The following ZRANB3 variants were observed in gnomAD, a reference collection of about 807,000 sequenced individuals.
ZRANB3 encodes the protein zinc finger RANBP2-type containing 3, also known as DNA annealing helicase and endonuclease ZRANB3.
ZRANB3 carries 125 observed loss-of-function variants against 133.8 expected under a neutral mutation model. That is an observed-to-expected ratio of 0.93 (90% CI 0.81 to 1.08). The LOEUF (loss-of-function observed/expected upper bound fraction) is 1.08, where lower values mean the gene tolerates loss of function less well. Ranked by LOEUF, ZRANB3 falls within the 50% of genes least tolerant of loss-of-function variation. ZRANB3 has a pLI of 0.00. For missense variants in ZRANB3, 1,229 were observed against 1,275.5 expected (o/e 0.96, Z 0.56); for synonymous variants, 387 against 432.7 (o/e 0.89, Z 1.31).
intron 15 of ZRANB3, among the ~76,000 whole-genome samples, chr2:135,223,194 T>G (rs1417795461): frequency 1.3e-5 from 2 of 150,826 alleles, no homozygotes; most frequent in Admixed American, 1.3e-4. Context: ...GAGGTTGCAG[T>G]GAGCCGAGAT....
intron 12 of ZRANB3, among the ~76,000 whole-genome samples, chr2:135,234,530 T>G (rs984896076): frequency 6.6e-6 from 1 of 152,170 alleles, no homozygotes; most frequent in Non-Finnish European, 1.5e-5. Flanking sequence ...ATTGACCACA[T>G]AGTTGGAAGT....
chr2:135,442,271 G>T (rs1689814504), intron 2 of ZRANB3, among the ~76,000 whole-genome samples: 1 of 151,964 alleles, frequency 6.6e-6, no homozygotes, highest in Non-Finnish European at 1.5e-5. Context: ...CTACAGAATG[G>T]GAGCAAATTT....
intron 12 of ZRANB3, among the ~76,000 whole-genome samples, chr2:135,252,429 C>T (rs1173731921): frequency 6.6e-6 from 1 of 151,906 alleles, no homozygotes; most frequent in Admixed American, 6.6e-5. Context: ...TATGCAAATG[C>T]CTTTGGGAAT....
At chr2:135,308,553 T>C (rs555481156) in intron 8 of ZRANB3, among the ~76,000 whole-genome samples, 10 of 152,232 alleles carry the variant, frequency 6.6e-5, no homozygotes, top group African/African-American at 1.4e-4. Context: ...TTTATTGTGA[T>C]CTTTTTTCTT....
chr2:135,371,435 T>A (rs1686172452), intron 3 of ZRANB3, among the ~76,000 whole-genome samples: 1 of 152,196 alleles, frequency 6.6e-6, no homozygotes, highest in South Asian at 2.1e-4. Flanking sequence ...TTTGTGTCTG[T>A]ATCTATCTGG....
chr2:135,298,614 A>G (rs1247317628), intron 8 of ZRANB3, among the ~76,000 whole-genome samples: 1 of 152,086 alleles, frequency 6.6e-6, no homozygotes, highest in African/African-American at 2.4e-5. Context: ...ACCCCAGTAG[A>G]GCTACTGGCC....
intron 2 of ZRANB3, among the ~76,000 whole-genome samples, chr2:135,457,068 C>A (rs1004140421): frequency 6.6e-5 from 10 of 152,222 alleles, no homozygotes; most frequent in African/African-American, 2.4e-4. Context: ...AATACGCCAT[C>A]ATACAATAAG....
intron 2 of ZRANB3, among the ~76,000 whole-genome samples, chr2:135,444,167 T>C (rs1379406073): frequency 2.0e-5 from 3 of 151,586 alleles, no homozygotes; most frequent in Non-Finnish European, 4.4e-5. Flanking sequence ...TATGTTGCCA[T>C]AGGGAATGTA....
rs1048660752 is a variant in ZRANB3, at chr2:135,415,922, A to C, written c.162-25102T>G. On this transcript the variant is annotated intron_variant, in intron 2 of 20. Transcript: ENST00000264159. ...AAATTCAACAACCCTTCATGCTAAA[A>C]ACTCTCAATAAATTAGGTATTGATG... is the stretch of plus-strand genomic sequence containing the variant. Among the ~76,000 whole-genome samples the C allele has an allele frequency of 4.4e-4, 67 of 152,188 alleles. No individual in the cohort carries two copies. The South Asian group carries it at 5.6e-3, about 13-fold the overall frequency.
intron 15 of ZRANB3, among the ~76,000 whole-genome samples, chr2:135,222,702 T>C (rs1476304438): frequency 6.6e-6 from 1 of 152,086 alleles, no homozygotes; most frequent in Non-Finnish European, 1.5e-5. Flanking sequence ...ACAATGACAT[T>C]CTTCTCACTA....
At chr2:135,284,197 A>G (rs1474065511) in intron 8 of ZRANB3, among the ~76,000 whole-genome samples, 1 of 152,220 alleles carries the variant, frequency 6.6e-6, no homozygotes, top group Admixed American at 6.5e-5. Flanking sequence ...CATCTATAAA[A>G]TAAGATAAAA....
At chr2:135,262,799 A>C (rs927481798) in intron 12 of ZRANB3, among the ~76,000 whole-genome samples, 6 of 147,874 alleles carry the variant, frequency 4.1e-5, no homozygotes, top group African/African-American at 1.5e-4. Flanking sequence ...ATAAGAATTA[A>C]AAAAAAAAAA....
At chr2:135,316,183 GA>G (rs1046487651) in intron 6 of ZRANB3, among the ~76,000 whole-genome samples, 1 of 152,186 alleles carries the variant, frequency 6.6e-6, no homozygotes, top group Non-Finnish European at 1.5e-5. Context: ...AATGCAGATA[GA>G]AAAGTGGTAA....
At chr2:135,299,956 C>G (rs1483038286) in intron 8 of ZRANB3, among the ~76,000 whole-genome samples, 2 of 152,058 alleles carry the variant, frequency 1.3e-5, no homozygotes. Context: ...AATCTTTTAT[C>G]TTGAAGATCT....
intron 12 of ZRANB3, among the ~76,000 whole-genome samples, chr2:135,243,560 T>C (rs114691964): frequency 1.6e-3 from 243 of 152,314 alleles, no homozygotes; most frequent in African/African-American, 5.6e-3. Flanking sequence ...TTAATCTGCT[T>C]GTTTTCAATT....
At chr2:135,265,713 T>C (rs1184500219) in intron 11 of ZRANB3, 27 bp from the exon 12 acceptor site, 1 of 1,601,310 alleles carries the variant, frequency 6.2e-7, no homozygotes, top group Non-Finnish European at 8.5e-7. Flanking sequence ...TAAATGAATT[T>C]TTGAGCAGTT....
chr2:135,507,491 C>T (rs1370239455), intron 1 of ZRANB3, among the ~76,000 whole-genome samples: 4 of 152,130 alleles, frequency 2.6e-5, no homozygotes, highest in Non-Finnish European at 4.4e-5. Flanking sequence ...GCAAGGCTAA[C>T]AGCAGCAGAA....
chr2:135,520,598 T>G (rs1693894204), intron 1 of ZRANB3, among the ~76,000 whole-genome samples: 3 of 151,810 alleles, frequency 2.0e-5, no homozygotes, highest in Admixed American at 1.3e-4. Flanking sequence ...TTGTTTGTTT[T>G]TTTTGAGACG....
intron 8 of ZRANB3, among the ~76,000 whole-genome samples, chr2:135,277,936 A>AC (rs983300646): frequency 9.9e-5 from 15 of 151,728 alleles, no homozygotes; most frequent in African/African-American, 2.4e-4. Flanking sequence ...AAAAAAACAA[A>AC]AAAAAAAAAC....
Sources: gnomAD v4.1 joint callset for allele counts (sites outside exome capture counted in the v4.1 genomes callset) on GRCh38, gnomAD v4.1.1 for gene constraint, MANE v1.5 for transcripts, NCBI Gene and HGNC (gene_info 2026-07-23, HGNC 2026-07-21) for gene names.